FUBP1: variants seen among roughly 807,000 people sequenced by gnomAD.
FUBP1 encodes far upstream element binding protein 1.
A neutral mutation model predicts 94.9 loss-of-function variants in FUBP1; 16 were observed. The ratio of observed to expected loss-of-function variants is 0.17; its 90% CI spans 0.11 to 0.26. FUBP1 has a LOEUF of 0.26. Among genes scored for constraint, FUBP1 ranks in the 10% least tolerant of loss-of-function variants. The probability of loss-of-function intolerance (pLI) is 1.00; values close to 1 mark genes in which losing one functional copy is unlikely to be tolerated. For missense variants in FUBP1, 583 were observed against 808.6 expected (o/e 0.72, Z 3.38); for synonymous variants, 279 against 254.9 (o/e 1.09, Z -0.90).
intron 18 of FUBP1, among the ~76,000 whole-genome samples, chr1:77,950,571 C>T (rs1303383086): frequency 1.3e-5 from 2 of 152,156 alleles, no homozygotes; most frequent in East Asian, 1.9e-4. Context: ...AATGATGAAG[C>T]TGAGTGTCTG....
intron 8 of FUBP1, 28 bp from the exon 9 acceptor site, chr1:77,964,996 T>C (rs751502798): frequency 1.3e-6 from 2 of 1,595,002 alleles, no homozygotes; most frequent in Non-Finnish European, 1.7e-6. Flanking sequence ...ATAATATATA[T>C]TAACAAAAGG....
intron 1 of FUBP1, among the ~76,000 whole-genome samples, chr1:77,974,117 G>A (rs956573334): frequency 8.1e-5 from 12 of 148,610 alleles, no homozygotes; most frequent in African/African-American, 2.0e-4. Flanking sequence ...GCACCACCAC[G>A]TCTGGCTAAT....
At chr1:77,960,579 T>C in intron 14 of FUBP1, 84 bp from the exon 15 acceptor site, 2 of 1,124,946 alleles carry the variant, frequency 1.8e-6, no homozygotes, top group South Asian at 3.0e-5. Context: ...CATCCATTTC[T>C]ACCCTCTTAT....
chr1:77,974,134 GTT>G (rs34146250), intron 1 of FUBP1, among the ~76,000 whole-genome samples: 32 of 122,146 alleles, frequency 2.6e-4, no homozygotes, highest in African/African-American at 6.4e-4. Context: ...TAATTTTTTG[GTT>G]TTTTTTTTTT....
intron 14 of FUBP1, chr1:77,960,908 A>G (rs1259354934): frequency 6.1e-6 from 1 of 162,614 alleles, no homozygotes; most frequent in African/African-American, 2.4e-5. Flanking sequence ...TCTTGACAAT[A>G]TATTCCCAAA....
intron 1 of FUBP1, among the ~76,000 whole-genome samples, chr1:77,973,948 G>A (rs1057178530): frequency 4.6e-5 from 7 of 151,954 alleles, no homozygotes; most frequent in African/African-American, 9.7e-5. Flanking sequence ...TTTTGAGACA[G>A]GGTCAGGCTG....
intron 1 of FUBP1, among the ~76,000 whole-genome samples, chr1:77,973,602 T>A (rs910927905): frequency 1.3e-5 from 2 of 151,808 alleles, no homozygotes; most frequent in African/African-American, 4.9e-5. Context: ...TGGACCATTA[T>A]CTACTTCTTG....
chr1:77,965,216 T>C lies in FUBP1; in HGVS notation c.489A>G (p.Leu163=), dbSNP rs1165569939. The C allele has an allele frequency of 3.1e-6, 5 of 1,604,460 alleles. No homozygotes were observed. Among genetic ancestry groups the C allele is most frequent in the Middle Eastern group, 1.7e-4 (1 of 6,058 alleles). Residue 163 remains leucine, a synonymous_variant, in exon 8 of 20, where the codon TTA becomes TTG. Coordinates refer to ENST00000370768, the MANE Select transcript of FUBP1 (RefSeq NM_003902.5). ...TTCCTTTTTCAACAATCTGGTCCAG[T>C]AACCGTTTTGCTGACCTGTTAACAA... The part of the protein sequence containing the change: ...TPESVQSAKR[L]LDQIVEKGRP...
rs1652679002 is a variant in FUBP1, at chr1:77,948,623, T to G, written c.*143A>C. 1.6e-6 allele frequency: 2 copies of G among 1,242,880 alleles called. No individual in the cohort carries two copies. Among genetic ancestry groups the G allele is most frequent in the African/African-American group, 1.8e-5 (1 of 56,732 alleles). 77.0% of individuals were successfully genotyped at this position (1,242,880 alleles called of 1,614,324 possible). On this transcript the variant is annotated 3_prime_UTR_variant, in exon 20 of 20. Transcript: ENST00000370768. ...AGTAGTGATAGATATTTTGTACATT[T>G]TCAAAAAAAAAAAAAAAAAAGGAAA...
intron 7 of FUBP1, among the ~76,000 whole-genome samples, chr1:77,965,577 C>T (rs1350879833): frequency 6.6e-6 from 1 of 152,168 alleles, no homozygotes; most frequent in African/African-American, 2.4e-5. Flanking sequence ...ATTTTGCTTA[C>T]TCATATGCTA....
At position 77,947,654 on chromosome 1, in the gene FUBP1, AC is replaced by A; in HGVS notation, c.*1111del. The A allele has an allele frequency of 1.3e-6, 1 of 748,326 alleles. No individual in the cohort carries two copies. The highest frequency in any genetic ancestry group is 1.4e-5 in the South Asian group (1 of 69,192). The allele number at this position is 748,326 out of a possible 1,614,324, so 46.4% of individuals were successfully genotyped here. On this transcript the variant is annotated 3_prime_UTR_variant, in exon 20 of 20. Coordinates refer to ENST00000370768, the MANE Select transcript of FUBP1 (RefSeq NM_003902.5). ...GCAAAGAGTAAAACAATGGATTTCA[AC>A]AAAATATCAGAACTTCAGCATGAGT...
Position 77,948,626 on chromosome 1 carries a change from A to C in FUBP1, c.*140T>G, listed in dbSNP as rs901537614. 30 of 208,164 alleles carry C rather than the reference A, an allele frequency of 1.4e-4. No homozygotes were observed. The highest frequency in any genetic ancestry group is 1.9e-4 in the Non-Finnish European group (27 of 140,242). 12.9% of individuals were successfully genotyped at this position (208,164 alleles called of 1,614,324 possible). A position where few individuals can be genotyped will look rare whatever the true frequency, so the allele number is the denominator to read the frequency against. On this transcript the variant is annotated 3_prime_UTR_variant, in exon 20 of 20. Transcript: ENST00000370768. ...AGTGATAGATATTTTGTACATTTTC[A>C]AAAAAAAAAAAAAAAAAGGAAACAC...
At chr1:77,955,223 G>A (rs1178743613) in intron 18 of FUBP1, 32 bp downstream of exon 18, 1 of 876,884 alleles carries the variant, frequency 1.1e-6, no homozygotes. Context: ...ATTTAATTAA[G>A]TATGTATTTT....
intron 16 of FUBP1, among the ~76,000 whole-genome samples, chr1:77,958,387 T>C (rs1042360890): frequency 1.3e-4 from 20 of 152,250 alleles, no homozygotes; most frequent in African/African-American, 2.9e-4. Context: ...AGGACTGATA[T>C]AGGTTTATTT....
intron 4 of FUBP1, 96 bp downstream of exon 4, chr1:77,967,521 CAAAAAATACA>C: frequency 1.2e-6 from 1 of 843,932 alleles, no homozygotes; most frequent in East Asian, 2.5e-5. Context: ...CTAGGTACAC[CAAAAAATACA>C]CAGACACATA....
rs1651708888 is a variant in FUBP1, at chr1:77,944,321, A to T, written c.*4445T>A. The stretch of plus-strand genomic sequence containing the variant: ...AAAATGCATCGAGCATGCATAAGAA[A>T]ATATATATATATATATGCGCAAATA... On this transcript the variant is annotated 3_prime_UTR_variant, in exon 20 of 20. Transcript: ENST00000370768. The T allele has an allele frequency of 5.3e-6, 1 of 190,182 alleles. No individual in the cohort carries two copies. Among genetic ancestry groups the T allele is most frequent in the Non-Finnish European group, 1.1e-5 (1 of 91,270 alleles). The allele number at this position is 190,182 out of a possible 1,614,324, so 11.8% of individuals were successfully genotyped here.
chr1:77,978,832 C>A (rs1659280572), intron 1 of FUBP1, 53 bp downstream of exon 1: 10 of 1,609,066 alleles, frequency 6.2e-6, no homozygotes, highest in Non-Finnish European at 7.6e-6. Flanking sequence ...CCTACTCAGT[C>A]AGCGGCCAAT....
At position 77,960,484 on chromosome 1, in the gene FUBP1, A is replaced by T. The variant is rs759984341; in HGVS notation, c.1356T>A (p.Asn452Lys). The change falls in exon 15 of 20, where the codon AAT becomes AAA. Residue 452 changes from asparagine (N) to lysine (K), a missense_variant. By Grantham distance (94) the Asn-to-Lys change is moderately conservative. Transcript: ENST00000370768. The part of the protein sequence containing the change: ...LIEEKIGGPV[N>K]PLGPPVPHGP... Reference sequence around the variant, plus strand: ...CATGGGGTACAGGTGGCCCTAAAGGATTTACTGGGCCCTACAAAAAAAAGG... The same window carrying T: ...CATGGGGTACAGGTGGCCCTAAAGGTTTTACTGGGCCCTACAAAAAAAAGG... 1 of 1,600,832 alleles carries T rather than the reference A, an allele frequency of 6.2e-7. No individual in the cohort carries two copies. Among genetic ancestry groups the T allele is most frequent in the Non-Finnish European group, 8.5e-7 (1 of 1,175,802 alleles).
chr1:77,969,838 A>C, intron 2 of FUBP1, 87 bp downstream of exon 2: 4 of 582,942 alleles, frequency 6.9e-6, no homozygotes, highest in Non-Finnish European at 1.2e-5. Flanking sequence ...AAAAGTTAAT[A>C]TCTCAATAAA....
Sources: allele counts gnomAD v4.1 joint callset (sites outside exome capture counted in the v4.1 genomes callset), GRCh38; gene constraint gnomAD v4.1.1; transcripts MANE v1.5; gene names NCBI Gene and HGNC (gene_info 2026-07-23, HGNC 2026-07-21).